The following TRABD2B variants were observed in gnomAD, a reference collection of about 807,000 sequenced individuals.
The protein encoded by TRABD2B is metalloprotease TIKI2.
Under a neutral mutation model 40.1 loss-of-function variants are expected in TRABD2B, and 14 were observed. That is an observed-to-expected ratio of 0.35 (90% CI 0.23 to 0.55). The LOEUF (loss-of-function observed/expected upper bound fraction) is 0.55. Among genes scored for constraint, TRABD2B ranks in the 20% least tolerant of loss-of-function variants. The pLI, the probability that TRABD2B is intolerant of heterozygous loss-of-function variation, is 0.90. For missense variants in TRABD2B, 541 were observed against 648.6 expected (o/e 0.83, Z 1.80); for synonymous variants, 263 against 277.0 (o/e 0.95, Z 0.50).
chr1:47,790,415 C>T (rs1384167543), intron 4 of TRABD2B, among the ~76,000 whole-genome samples: 1 of 152,212 alleles, frequency 6.6e-6, no homozygotes, highest in Non-Finnish European at 1.5e-5. Context: ...ATCTGGGCCC[C>T]CCCAGCATCA....
intron 2 of TRABD2B, among the ~76,000 whole-genome samples, chr1:47,951,000 C>A (rs572613538): frequency 2.6e-5 from 4 of 152,302 alleles, no homozygotes; most frequent in South Asian, 4.1e-4. Flanking sequence ...ACAGAGCAGG[C>A]CTTCAATGCA....
intron 4 of TRABD2B, among the ~76,000 whole-genome samples, chr1:47,787,010 CTT>C (rs1447587369): frequency 2.0e-5 from 3 of 152,246 alleles, no homozygotes; most frequent in East Asian, 1.9e-4. Context: ...TGGCCTGCCT[CTT>C]GTTTCCAAGG....
rs1191453504 is a variant in TRABD2B at position 47,765,961 on chromosome 1, G to A, written c.1495C>T (p.Pro499Ser). 3 of 702,848 alleles carry A rather than the reference G, an allele frequency of 4.3e-6. No individual in the cohort carries two copies. The highest frequency in any genetic ancestry group is 5.4e-5 in the East Asian group (2 of 37,252). 43.5% of individuals were successfully genotyped at this position (702,848 alleles called of 1,614,324 possible). ...ACAGCGATGGTGGTGGCGATGGCGG[G>A]GAGAAGGCCCAGGGTGGGTGCCGAG... ...SSSAPTLGLLPAIATTIAVCF... is the reference protein window; with the variant it reads ...SSSAPTLGLLSAIATTIAVCF... Residue 499 changes from proline (P) to serine (S), a missense_variant, in exon 7 of 7, where the codon CCC (proline) becomes TCC (serine). Pro to Ser is a moderately conservative substitution (Grantham distance 74). Coordinates refer to ENST00000606738, the MANE Select transcript of TRABD2B (RefSeq NM_001194986.2).
At chr1:47,785,081 G>A (rs749086399) in intron 4 of TRABD2B, among the ~76,000 whole-genome samples, 6 of 152,168 alleles carry the variant, frequency 3.9e-5, no homozygotes, top group Non-Finnish European at 4.4e-5. Context: ...TCAAATGCAC[G>A]GAGGGGAGAG....
At chr1:47,953,221 G>A (rs1645371467) in intron 2 of TRABD2B, among the ~76,000 whole-genome samples, 1 of 152,192 alleles carries the variant, frequency 6.6e-6, no homozygotes, top group Non-Finnish European at 1.5e-5. Context: ...TGCAGATGAT[G>A]CACAGAGGGG....
At chr1:47,790,833 C>A (rs1644661493) in intron 4 of TRABD2B, among the ~76,000 whole-genome samples, 1 of 152,204 alleles carries the variant, frequency 6.6e-6, no homozygotes, top group Non-Finnish European at 1.5e-5. Context: ...ATGATAAGAA[C>A]CCTTCCACCA....
intron 2 of TRABD2B, among the ~76,000 whole-genome samples, chr1:47,922,399 G>T (rs1015400890): frequency 3.9e-5 from 6 of 152,230 alleles, no homozygotes; most frequent in African/African-American, 1.4e-4. Context: ...GCTGAAGCTT[G>T]TGGTCAAGGA....
intron 2 of TRABD2B, among the ~76,000 whole-genome samples, chr1:47,816,785 C>G (rs1225216867): frequency 6.6e-6 from 1 of 152,166 alleles, no homozygotes; most frequent in East Asian, 1.9e-4. Flanking sequence ...TGAAGTTTGT[C>G]ACAAGTATTT....
chr1:47,997,286 C>A lies in TRABD2B; in HGVS notation c.-497G>T, dbSNP rs1229656265. The A allele has an allele frequency of 2.2e-6, 2 of 918,476 alleles. No individual in the cohort carries two copies. Among genetic ancestry groups the A allele is most frequent in the Non-Finnish European group, 1.3e-6 (1 of 771,556 alleles). 56.9% of individuals were successfully genotyped at this position (918,476 alleles called of 1,614,324 possible). A position where few individuals can be genotyped will look rare whatever the true frequency, so the allele number is the denominator to read the frequency against. On this transcript the variant is annotated 5_prime_UTR_variant, in exon 1 of 7. Transcript: ENST00000606738. ...GGGGTGGGGGGCGGCTCTGGGGCGACCGGCTGCCCCCGAGCCCGGCTCAGA... is the reference window on the plus strand; with the variant it reads ...GGGGTGGGGGGCGGCTCTGGGGCGAACGGCTGCCCCCGAGCCCGGCTCAGA...
chr1:47,868,503 C>T (rs78439581), intron 2 of TRABD2B, among the ~76,000 whole-genome samples: 5,035 of 152,188 alleles, frequency 0.033, 199 homozygotes, highest in East Asian at 0.15. Flanking sequence ...GGCAAGTGAG[C>T]GAGCATTACC....
At chr1:47,927,793 C>A (rs1372306777) in intron 2 of TRABD2B, among the ~76,000 whole-genome samples, 1 of 152,226 alleles carries the variant, frequency 6.6e-6, no homozygotes, top group Non-Finnish European at 1.5e-5. Context: ...AGACATTCTC[C>A]TTGCCCTGAT....
At chr1:47,831,073 G>A (rs376690956) in intron 2 of TRABD2B, among the ~76,000 whole-genome samples, 1 of 152,036 alleles carries the variant, frequency 6.6e-6, no homozygotes, top group Non-Finnish European at 1.5e-5. Context: ...GTCCTTGGTT[G>A]CCACGTGTCC....
intron 2 of TRABD2B, among the ~76,000 whole-genome samples, chr1:47,977,438 G>A (rs2148435425): frequency 6.6e-6 from 1 of 152,116 alleles, no homozygotes; most frequent in East Asian, 1.9e-4. Flanking sequence ...AAGGAGAGTG[G>A]GACAAAGTAA....
intron 2 of TRABD2B, among the ~76,000 whole-genome samples, chr1:47,914,341 G>C (rs1054815719): frequency 4.6e-5 from 7 of 152,360 alleles, no homozygotes; most frequent in Non-Finnish European, 8.8e-5. Flanking sequence ...ACAAGCACAA[G>C]TGTTTTTCTT....
intron 4 of TRABD2B, among the ~76,000 whole-genome samples, chr1:47,793,348 C>G (rs1360544282): frequency 1.3e-5 from 2 of 152,254 alleles, no homozygotes; most frequent in African/African-American, 4.8e-5. Flanking sequence ...AGGACTGTAT[C>G]TACTTCTGAG....
At chr1:47,860,698 G>T (rs895583451) in intron 2 of TRABD2B, among the ~76,000 whole-genome samples, 1 of 152,204 alleles carries the variant, frequency 6.6e-6, no homozygotes, top group Non-Finnish European at 1.5e-5. Flanking sequence ...GGTGGGCCTA[G>T]TCAGAAGTGT....
At chr1:47,861,363 A>T (rs1003747055) in intron 2 of TRABD2B, among the ~76,000 whole-genome samples, 5 of 152,104 alleles carry the variant, frequency 3.3e-5, no homozygotes, top group Non-Finnish European at 5.9e-5. Context: ...TATACATGAC[A>T]GCACCCCCCA....
intron 2 of TRABD2B, among the ~76,000 whole-genome samples, chr1:47,884,096 C>T (rs1051681044): frequency 2.6e-5 from 4 of 152,206 alleles, no homozygotes; most frequent in South Asian, 2.1e-4. Context: ...AGCCATAGAG[C>T]CTCTAGTCTC....
chr1:47,977,099 G>A (rs1341226248), intron 2 of TRABD2B, among the ~76,000 whole-genome samples: 2 of 148,624 alleles, frequency 1.3e-5, no homozygotes, highest in Admixed American at 6.8e-5. Flanking sequence ...GCGAGACAGA[G>A]TCTTGCTCTG....
Sources: gnomAD v4.1 joint callset for allele counts (sites outside exome capture counted in the v4.1 genomes callset) on GRCh38, gnomAD v4.1.1 for gene constraint, MANE v1.5 for transcripts, NCBI Gene and HGNC (gene_info 2026-07-23, HGNC 2026-07-21) for gene names.